SEMA6A: variants seen among roughly 807,000 people sequenced by gnomAD.
SEMA6A encodes the protein semaphorin 6A.
Under a neutral mutation model 96.8 loss-of-function variants are expected in SEMA6A, and 25 were observed. The observed-to-expected ratio is 0.26, with a 90% CI of 0.19 to 0.36. The LOEUF (loss-of-function observed/expected upper bound fraction) is 0.36, where lower values mean the gene tolerates loss of function less well. Among genes scored for constraint, SEMA6A ranks in the 10% least tolerant of loss-of-function variants. The probability of loss-of-function intolerance (pLI) is 1.00; values close to 1 mark genes in which losing one functional copy is unlikely to be tolerated. For missense variants in SEMA6A, 1,363 were observed against 1,323.1 expected, an observed-to-expected ratio of 1.03 and a Z score of -0.47; for synonymous variants, 612 against 518.0, an observed-to-expected ratio of 1.18 and a Z score of -2.46.
Position 116,447,229 on chromosome 5 carries a change from T to C in SEMA6A, c.2477A>G (p.Gln826Arg). ...TTTGGGCTGGTCCACGTACTCATGC[T>C]GGTAGCCCTGCTGCGTGATGGGCAG... is the stretch of plus-strand genomic sequence containing the variant. ...VVLPITQQGYQHEYVDQPKMS... is the reference protein window; with the variant it reads ...VVLPITQQGYRHEYVDQPKMS... Residue 826 changes from glutamine to arginine, a missense_variant, in exon 19 of 19, where the codon CAG becomes CGG. Gln to Arg is a conservative substitution (Grantham distance 43). This residue lies in a region of SEMA6A where 883 missense variants were observed against 763.6 expected (regional missense o/e 1.16). Coordinates refer to ENST00000343348, the MANE Select transcript of SEMA6A (RefSeq NM_020796.5). The C allele has an allele frequency of 6.2e-7, 1 of 1,614,060 alleles. No homozygotes were observed. Among genetic ancestry groups the C allele is most frequent in the South Asian group, 1.1e-5 (1 of 91,086 alleles).
chr5:116,476,177 C>T (rs1026383517), intron 15 of SEMA6A, among the ~76,000 whole-genome samples: 1 of 152,114 alleles, frequency 6.6e-6, no homozygotes, highest in Admixed American at 6.6e-5. Flanking sequence ...GGGAGTATTA[C>T]TCTCATTCTC....
chr5:116,522,736 T>C (rs112035540), intron 1 of SEMA6A, among the ~76,000 whole-genome samples: 1,937 of 152,196 alleles, frequency 0.013, 48 homozygotes, highest in African/African-American at 0.044. Context: ...TTTTTTTTTC[T>C]CCCTTCTCTA....
At chr5:116,572,700 C>G (rs2112928437) in intron 1 of SEMA6A, among the ~76,000 whole-genome samples, 1 of 152,326 alleles carries the variant, frequency 6.6e-6, no homozygotes, top group African/African-American at 2.4e-5. Context: ...TCATCCCTTC[C>G]CCGACTTGTC....
At chr5:116,548,656 G>C (rs2112879345) in intron 1 of SEMA6A, among the ~76,000 whole-genome samples, 1 of 152,208 alleles carries the variant, frequency 6.6e-6, no homozygotes, top group Non-Finnish European at 1.5e-5. Context: ...TGGGAAAATT[G>C]AGGCCAAGGA....
In SEMA6A at chr5:116,472,875, G is replaced by A. The variant is rs17139852; in HGVS notation, c.1729+198C>T. 8,240 of 1,470,914 alleles carry A rather than the reference G, an allele frequency of 5.6e-3. 253 individuals are homozygous for A. The Admixed American group carries it at 0.069, about 12-fold the overall frequency. The allele number at this position is 1,470,914 out of a possible 1,614,324, so 91.1% of individuals were successfully genotyped here. A position where few individuals can be genotyped will look rare whatever the true frequency, so the allele number is the denominator to read the frequency against. Reference sequence around the variant, plus strand: ...GAATTTAAAAAAAAAAAAAAAATCCGTAAACTGACCATACACTGTGTTGTA... The same window carrying A: ...GAATTTAAAAAAAAAAAAAAAATCCATAAACTGACCATACACTGTGTTGTA... On this transcript the variant is annotated intron_variant, in intron 17 of 18. Coordinates refer to ENST00000343348, the MANE Select transcript of SEMA6A (RefSeq NM_020796.5).
intron 1 of SEMA6A, among the ~76,000 whole-genome samples, chr5:116,551,708 C>T (rs1053343035): frequency 2.6e-5 from 4 of 152,090 alleles, no homozygotes; most frequent in Admixed American, 2.0e-4. Flanking sequence ...CTTTTCATTC[C>T]CACCCACCAC....
intron 13 of SEMA6A, 38 bp from the exon 14 acceptor site, chr5:116,478,192 C>A (rs767731604): frequency 1.2e-5 from 19 of 1,603,936 alleles, no homozygotes; most frequent in Non-Finnish European, 1.5e-5. Context: ...TTAATAGACT[C>A]TTCTCTTTTT....
chr5:116,509,576 GC>G (rs1283093105), intron 1 of SEMA6A, among the ~76,000 whole-genome samples: 2 of 149,980 alleles, frequency 1.3e-5, no homozygotes, highest in East Asian at 3.9e-4. Flanking sequence ...AAGGGATTCT[GC>G]CCCAGTGAAG....
At chr5:116,477,126 A>G (rs1756494965) in intron 15 of SEMA6A, among the ~76,000 whole-genome samples, 1 of 152,246 alleles carries the variant, frequency 6.6e-6, no homozygotes, top group Admixed American at 6.5e-5. Context: ...GCCACAACCC[A>G]TCAAAGATAA....
At chr5:116,536,790 G>A (rs1759732709) in intron 1 of SEMA6A, among the ~76,000 whole-genome samples, 1 of 141,068 alleles carries the variant, frequency 7.1e-6, no homozygotes, top group South Asian at 2.4e-4. Context: ...GTTCTCAGCA[G>A]TCAAGGAACA....
At chr5:116,511,793 A>C (rs1308052066) in intron 1 of SEMA6A, among the ~76,000 whole-genome samples, 6 of 152,236 alleles carry the variant, frequency 3.9e-5, no homozygotes, top group Non-Finnish European at 8.8e-5. Context: ...CCACTGTGTT[A>C]AGTGGAGCCA....
chr5:116,482,617 G>A (rs1157463390), intron 10 of SEMA6A, 42 bp from the exon 11 acceptor site: 1 of 1,604,068 alleles, frequency 6.2e-7, no homozygotes, highest in Non-Finnish European at 8.5e-7. Flanking sequence ...TCATGCAATG[G>A]TTATGCATGT....
intron 11 of SEMA6A, 99 bp from the exon 12 acceptor site, chr5:116,480,376 G>C (rs1354134649): frequency 7.2e-7 from 1 of 1,398,508 alleles, no homozygotes; most frequent in Non-Finnish European, 9.9e-7. Context: ...GAATGGAGGA[G>C]AATGTACTGC....
At chr5:116,561,999 C>CT (rs1760835462) in intron 1 of SEMA6A, among the ~76,000 whole-genome samples, 1 of 152,020 alleles carries the variant, frequency 6.6e-6, no homozygotes, top group Admixed American at 6.6e-5. Flanking sequence ...GATGTGTTAC[C>CT]TTTTCTCTTG....
intron 1 of SEMA6A, among the ~76,000 whole-genome samples, chr5:116,556,145 C>T (rs1760596863): frequency 1.3e-5 from 2 of 152,182 alleles, no homozygotes; most frequent in African/African-American, 4.8e-5. Flanking sequence ...CACCTAACTC[C>T]TAATGCCTTA....
At chr5:116,572,463 G>C (rs989042973) in intron 1 of SEMA6A, among the ~76,000 whole-genome samples, 1 of 152,190 alleles carries the variant, frequency 6.6e-6, no homozygotes, top group Non-Finnish European at 1.5e-5. Flanking sequence ...TGAAGACAGC[G>C]CCTCCAGTCT....
At chr5:116,478,967 C>G (rs998082084) in intron 12 of SEMA6A, among the ~76,000 whole-genome samples, 1 of 144,838 alleles carries the variant, frequency 6.9e-6, no homozygotes, top group Non-Finnish European at 1.5e-5. Flanking sequence ...TGTGTGTTTG[C>G]AGGCCAAGTA....
chr5:116,478,048 G>C lies in SEMA6A; in HGVS notation c.1534C>G (p.Leu512Val), dbSNP rs1412253784. 1 of 1,613,968 alleles carries C rather than the reference G, an allele frequency of 6.2e-7. No individual in the cohort carries two copies. Among genetic ancestry groups the C allele is most frequent in the South Asian group, 1.1e-5 (1 of 91,086 alleles). ...AFSTCVIKVP[L>V]GRCERHGKCK... ...TTCCCATGTCGTTCACACCGGCCAA[G>C]GGGAACCTTTATCACACAGGTAGAG... is the stretch of plus-strand genomic sequence containing the variant. Residue 512 changes from leucine to valine, a missense_variant, in exon 14 of 19, where the codon CTT becomes GTT. By Grantham distance (32) the Leu-to-Val change is conservative. Around this residue, in one of 2 missense-constraint regions of SEMA6A, gnomAD observed 883 missense variants for 763.6 expected, o/e 1.16. Transcript: ENST00000343348.
intron 1 of SEMA6A, among the ~76,000 whole-genome samples, chr5:116,570,208 A>G (rs1287315609): frequency 6.6e-6 from 1 of 152,196 alleles, no homozygotes; most frequent in East Asian, 1.9e-4. Flanking sequence ...CCATATCCCC[A>G]AGAGGCAACC....
Sources: gnomAD v4.1 joint callset for allele counts (sites outside exome capture counted in the v4.1 genomes callset) on GRCh38, gnomAD v4.1.1 for gene constraint, gnomAD v4.1.1 regional missense constraint, MANE v1.5 for transcripts, NCBI Gene and HGNC (gene_info 2026-07-23, HGNC 2026-07-21) for gene names.